Variants in TUSC3 observed in about 807,000 individuals in gnomAD.
TUSC3 encodes dolichyl-diphosphooligosaccharide--protein glycosyltransferase subunit TUSC3.
Under a neutral mutation model 44.8 loss-of-function variants are expected in TUSC3, and 45 were observed. The observed-to-expected ratio is 1.00, with a 90% CI of 0.79 to 1.29. The LOEUF (loss-of-function observed/expected upper bound fraction) is 1.29. Ranked by LOEUF, TUSC3 falls within the 50% of genes most tolerant of loss-of-function variation. TUSC3 has a pLI of 0.00. For synonymous variants in TUSC3, 212 were observed against 152.9 expected (o/e 1.39, Z -2.85); for missense variants, 519 against 437.9 (o/e 1.19, Z -1.65).
chr8:15,818,532 A>C, the TUSC3 span, among the ~76,000 whole-genome samples: 5 of 152,332 alleles, frequency 3.3e-5, no homozygotes, highest in South Asian at 1.0e-3. Context: ...CAGCCACTGC[A>C]TTAGACAGGT....
At chr8:15,786,142 C>T in the TUSC3 span, among the ~76,000 whole-genome samples, 1 of 152,116 alleles carries the variant, frequency 6.6e-6, no homozygotes, top group Non-Finnish European at 1.5e-5. Context: ...CTATACTATA[C>T]TCCAGTTTAA....
chr8:15,584,649 A>G (rs1803520018), intron 1 of TUSC3, among the ~76,000 whole-genome samples: 1 of 151,828 alleles, frequency 6.6e-6, no homozygotes, highest in Non-Finnish European at 1.5e-5. Context: ...CAAATGAGGA[A>G]GAGTGTGACA....
intron 9 of TUSC3, among the ~76,000 whole-genome samples, chr8:15,755,702 A>G (rs1262625585): frequency 1.3e-5 from 2 of 152,116 alleles, no homozygotes; most frequent in Non-Finnish European, 2.9e-5. Flanking sequence ...ACTGGAGCCT[A>G]AAGGCCATTA....
At chr8:15,443,712 G>A (rs937230147) in intron 1 of TUSC3, among the ~76,000 whole-genome samples, 66 of 152,240 alleles carry the variant, frequency 4.3e-4, no homozygotes, top group Non-Finnish European at 9.3e-4. Context: ...TAACAAACTA[G>A]CCACAAGATG....
At chr8:15,823,956 A>C in the TUSC3 span, among the ~76,000 whole-genome samples, 1 of 152,254 alleles carries the variant, frequency 6.6e-6, no homozygotes, top group South Asian at 2.1e-4. Flanking sequence ...TAAATTGAAT[A>C]AAGCATTGAG....
At chr8:15,721,887 T>C (rs1245259924) in intron 6 of TUSC3, among the ~76,000 whole-genome samples, 1 of 151,886 alleles carries the variant, frequency 6.6e-6, no homozygotes, top group Non-Finnish European at 1.5e-5. Context: ...CTCTAATTGG[T>C]ATAGTATTTT....
intron 2 of TUSC3, among the ~76,000 whole-genome samples, chr8:15,517,545 A>G (rs1351188498): frequency 6.8e-6 from 1 of 146,524 alleles, no homozygotes; most frequent in Admixed American, 6.8e-5. Flanking sequence ...AAAAAAAAAA[A>G]AAAAAAAAAA....
intron 3 of TUSC3, among the ~76,000 whole-genome samples, chr8:15,657,507 C>T (rs189253180): frequency 3.3e-5 from 5 of 152,272 alleles, no homozygotes; most frequent in Admixed American, 6.5e-5. Flanking sequence ...TTCTCATTTC[C>T]GTCTGAGACC....
intron 1 of TUSC3, among the ~76,000 whole-genome samples, chr8:15,576,651 T>C (rs1167626175): frequency 7.0e-6 from 1 of 142,258 alleles, no homozygotes; most frequent in African/African-American, 2.7e-5. Flanking sequence ...TCATCATTTT[T>C]TATGGCTGCA....
At chr8:15,430,425 A>G (rs914426748) in intron 1 of TUSC3, among the ~76,000 whole-genome samples, 2 of 150,722 alleles carry the variant, frequency 1.3e-5, no homozygotes, top group African/African-American at 4.9e-5. Context: ...ACAAAGTTCA[A>G]CAACCCTTCA....
At chr8:15,492,922 A>T (rs906471866) in intron 2 of TUSC3, among the ~76,000 whole-genome samples, 2 of 152,220 alleles carry the variant, frequency 1.3e-5, no homozygotes, top group African/African-American at 4.8e-5. Flanking sequence ...GTCCTAAAAC[A>T]TCATGAAAAA....
intron 1 of TUSC3, among the ~76,000 whole-genome samples, chr8:15,621,639 C>A (rs1040187646): frequency 6.8e-6 from 1 of 146,762 alleles, no homozygotes; most frequent in Non-Finnish European, 1.5e-5. Context: ...ATAGATAAAT[C>A]TATATAGATA....
chr8:15,428,285 C>T (rs1245936076), intron 1 of TUSC3, among the ~76,000 whole-genome samples: 1 of 151,998 alleles, frequency 6.6e-6, no homozygotes, highest in African/African-American at 2.4e-5. Flanking sequence ...GATGTCCCTA[C>T]AAAGGACATG....
chr8:15,626,366 G>A (rs539180280), intron 2 of TUSC3, among the ~76,000 whole-genome samples: 112 of 152,322 alleles, frequency 7.4e-4, no homozygotes, highest in African/African-American at 2.5e-3. Context: ...GGGCAGAGAG[G>A]GGACCCCAAG....
At chr8:15,838,254 G>C in the TUSC3 span, among the ~76,000 whole-genome samples, 7 of 152,122 alleles carry the variant, frequency 4.6e-5, no homozygotes, top group African/African-American at 1.4e-4. Context: ...CTTATACTTT[G>C]CATTTATGGG....
chr8:15,446,071 C>G (rs957514595), intron 1 of TUSC3, among the ~76,000 whole-genome samples: 1 of 150,548 alleles, frequency 6.6e-6, no homozygotes, highest in Admixed American at 6.6e-5. Flanking sequence ...GGCAGAGACG[C>G]TCCTCACCTC....
chr8:15,829,814 C>T, the TUSC3 span, among the ~76,000 whole-genome samples: 1 of 151,934 alleles, frequency 6.6e-6, no homozygotes, highest in Non-Finnish European at 1.5e-5. Context: ...GGTAGATACC[C>T]AGTAGTGGGG....
chr8:15,699,286 G>A (rs1350755001), intron 6 of TUSC3, among the ~76,000 whole-genome samples: 1 of 152,008 alleles, frequency 6.6e-6, no homozygotes, highest in Non-Finnish European at 1.5e-5. Context: ...ATTAATAAAG[G>A]CATTCTCATT....
chr8:15,808,888 T>C, the TUSC3 span, among the ~76,000 whole-genome samples: 1 of 152,156 alleles, frequency 6.6e-6, no homozygotes, highest in Non-Finnish European at 1.5e-5. Flanking sequence ...CATGTATTTA[T>C]AGAGTACAAA....
Sources: allele counts gnomAD v4.1 joint callset (sites outside exome capture counted in the v4.1 genomes callset), GRCh38; gene constraint gnomAD v4.1.1; transcripts MANE v1.5; gene names NCBI Gene and HGNC (gene_info 2026-07-23, HGNC 2026-07-21).